TGFBRAP1: variants seen among roughly 807,000 people sequenced by gnomAD.
TGFBRAP1 encodes the protein transforming growth factor beta receptor associated protein 1.
TGFBRAP1 carries 20 observed loss-of-function variants against 83.2 expected under a neutral mutation model. That is an observed-to-expected ratio of 0.24 (90% CI 0.17 to 0.35). The LOEUF is 0.35. TGFBRAP1 is among the 10% of genes least tolerant of loss of function. The probability of loss-of-function intolerance (pLI) is 1.00; values close to 1 mark genes in which losing one functional copy is unlikely to be tolerated. For missense variants in TGFBRAP1, 950 were observed against 1,099.4 expected (o/e 0.86, Z 1.92); for synonymous variants, 415 against 459.8 (o/e 0.90, Z 1.25).
At chr2:105,309,140 G>T (rs1678615982) in intron 1 of TGFBRAP1, among the ~76,000 whole-genome samples, 1 of 152,192 alleles carries the variant, frequency 6.6e-6, no homozygotes, top group Non-Finnish European at 1.5e-5. Flanking sequence ...CTTCTGCAGA[G>T]AACTGTGGCT....
intron 2 of TGFBRAP1, among the ~76,000 whole-genome samples, chr2:105,306,089 T>C (rs1379886517): frequency 6.8e-6 from 1 of 146,608 alleles, no homozygotes; most frequent in Non-Finnish European, 1.5e-5. Context: ...TTTGAGACAG[T>C]TTCCCTCTTG....
chr2:105,252,354 G>A, the TGFBRAP1 span, among the ~76,000 whole-genome samples: 3 of 152,198 alleles, frequency 2.0e-5, no homozygotes, highest in Non-Finnish European at 4.4e-5. Context: ...GAAACAGGAG[G>A]CTCTTTTTCC....
At chr2:105,280,226 T>C (rs1232933470) in intron 6 of TGFBRAP1, among the ~76,000 whole-genome samples, 156 bp downstream of exon 6, 11 of 152,262 alleles carry the variant, frequency 7.2e-5, no homozygotes, top group African/African-American at 2.6e-4. Flanking sequence ...AGCACATGCA[T>C]CTGCTGTCAC....
Position 105,269,422 on chromosome 2 carries a change from C to T in TGFBRAP1, c.2256G>A (p.Gln752=). 6 of 1,614,032 alleles carry T rather than the reference C, an allele frequency of 3.7e-6. No homozygotes were observed. The highest frequency in any genetic ancestry group is 5.1e-6 in the Non-Finnish European group (6 of 1,180,016). The change falls in exon 11 of 12, where the codon CAG becomes CAA. Residue 752 remains glutamine (Q), a synonymous_variant. Transcript: ENST00000393359. This position sits in a 1 kb window ranked among gnomAD's most constrained non-coding sequence, Gnocchi z 4.1. ...NRHATEFDAA[Q]VLQMLPDTWS... ...AGGTGTCAGGCAGCATCTGCAGCAC[C>T]TGGGCTGCATCAAATTCGGTGGCGT...
At chr2:105,295,165 G>A (rs1049328328) in intron 4 of TGFBRAP1, among the ~76,000 whole-genome samples, 3 of 152,166 alleles carry the variant, frequency 2.0e-5, no homozygotes, top group Admixed American at 1.3e-4. Flanking sequence ...GTAGAAAAGA[G>A]GTCCTGCTCA....
At chr2:105,296,704 A>G (rs1678100909) in intron 3 of TGFBRAP1, among the ~76,000 whole-genome samples, 194 bp from the exon 4 acceptor site, 1 of 151,482 alleles carries the variant, frequency 6.6e-6, no homozygotes, top group African/African-American at 2.4e-5. Flanking sequence ...AGAAAAGGGC[A>G]AACTCTTACT....
Position 105,280,552 on chromosome 2 carries a change from G to A in TGFBRAP1, c.1293C>T (p.Tyr431=), listed in dbSNP as rs1260022696. The A allele has an allele frequency of 6.2e-7, 1 of 1,614,022 alleles. No homozygotes were observed. Among genetic ancestry groups the A allele is most frequent in the African/African-American group, 1.3e-5 (1 of 74,908 alleles). ...MAKCKRFLMS[Y]LNEVRSTEVA... is the part of the protein sequence containing the mutation. ...CCTCTGTGCTGCGGACCTCGTTCAG[G>A]TAGCTCATGAGGAAGCGTTTGCACT... is the stretch of plus-strand genomic sequence containing the variant. Residue 431 remains tyrosine (Y), a synonymous_variant, in exon 6 of 12, where the codon TAC becomes TAT. Transcript: ENST00000393359.
chr2:105,288,661 T>C (rs1677795882), intron 4 of TGFBRAP1, among the ~76,000 whole-genome samples: 1 of 152,260 alleles, frequency 6.6e-6, no homozygotes, highest in Non-Finnish European at 1.5e-5. Flanking sequence ...CCATTTTAAC[T>C]ATATTCATAC....
intron 1 of TGFBRAP1, among the ~76,000 whole-genome samples, chr2:105,309,218 A>G (rs542017595): frequency 8.9e-4 from 135 of 152,356 alleles, no homozygotes; most frequent in Admixed American, 8.0e-3. Context: ...AGGCAGCCAG[A>G]AGCAAACTCA....
the TGFBRAP1 span, among the ~76,000 whole-genome samples, chr2:105,258,759 A>ACACACC: frequency 6.6e-6 from 1 of 151,298 alleles, no homozygotes; most frequent in Admixed American, 6.6e-5. Flanking sequence ...ACACACACAC[A>ACACACC]CACACACACA....
chr2:105,291,739 G>A (rs1677923268), intron 4 of TGFBRAP1, among the ~76,000 whole-genome samples: 1 of 152,216 alleles, frequency 6.6e-6, no homozygotes, highest in Admixed American at 6.5e-5. Flanking sequence ...AGAGACAGAA[G>A]TGGAAGTGGG....
intron 1 of TGFBRAP1, among the ~76,000 whole-genome samples, chr2:105,327,639 C>A (rs1427279287): frequency 6.6e-6 from 1 of 152,122 alleles, no homozygotes; most frequent in Non-Finnish European, 1.5e-5. Context: ...AAATAGTGAG[C>A]TCTATGCTTT....
At chr2:105,329,327 G>A (rs965939269) in intron 1 of TGFBRAP1, among the ~76,000 whole-genome samples, 1 of 151,648 alleles carries the variant, frequency 6.6e-6, no homozygotes, top group East Asian at 1.9e-4. Context: ...CCCCACACCC[G>A]TGCACACTTC....
chr2:105,286,773 A>G (rs1227383220), intron 4 of TGFBRAP1, among the ~76,000 whole-genome samples: 1 of 152,180 alleles, frequency 6.6e-6, no homozygotes, highest in African/African-American at 2.4e-5. Flanking sequence ...CCTTATTATC[A>G]GTATTATATT....
chr2:105,291,674 G>A (rs1325883533), intron 4 of TGFBRAP1, among the ~76,000 whole-genome samples: 1 of 152,164 alleles, frequency 6.6e-6, no homozygotes, highest in African/African-American at 2.4e-5. Flanking sequence ...AGTCACAGAA[G>A]GACAAATATT....
At chr2:105,294,450 T>C (rs1678016183) in intron 4 of TGFBRAP1, among the ~76,000 whole-genome samples, 1 of 152,046 alleles carries the variant, frequency 6.6e-6, no homozygotes, top group Non-Finnish European at 1.5e-5. Context: ...ACTCGGTCCG[T>C]AATGGAAAAA....
downstream of TGFBRAP1, among the ~76,000 whole-genome samples, chr2:105,261,578 C>T (rs1185982106): frequency 6.6e-6 from 1 of 152,040 alleles, no homozygotes; most frequent in Non-Finnish European, 1.5e-5. Context: ...ATAGTGAAAC[C>T]CTATCTCTAC....
At chr2:105,258,713 C>A in the TGFBRAP1 span, among the ~76,000 whole-genome samples, 1 of 147,756 alleles carries the variant, frequency 6.8e-6, no homozygotes, top group South Asian at 2.2e-4. Context: ...ATCACACGCC[C>A]TTTCTCTCCC....
chr2:105,288,797 C>G (rs17030755), intron 4 of TGFBRAP1, among the ~76,000 whole-genome samples: 1 of 151,982 alleles, frequency 6.6e-6, no homozygotes, highest in Admixed American at 6.5e-5. Context: ...GGCAATGTGT[C>G]CTGATTGAAT....
Sources: allele counts gnomAD v4.1 joint callset (sites outside exome capture counted in the v4.1 genomes callset), GRCh38; gene constraint gnomAD v4.1.1; non-coding constraint Gnocchi (gnomAD v3.1); transcripts MANE v1.5; gene names NCBI Gene and HGNC (gene_info 2026-07-23, HGNC 2026-07-21).